The following NXPE1 variants were observed in gnomAD, a reference collection of about 807,000 sequenced individuals.
NXPE1 encodes neurexophilin and PC-esterase domain family member 1, also known as NXPE family member 1.
A neutral mutation model predicts 33.3 loss-of-function variants in NXPE1; 31 were observed. The ratio of observed to expected loss-of-function variants is 0.93; its 90% confidence interval spans 0.70 to 1.26. The LOEUF (loss-of-function observed/expected upper bound fraction) is 1.26. NXPE1 is among the 50% of genes most tolerant of loss of function. The pLI, the probability that NXPE1 is intolerant of heterozygous loss-of-function variation, is 0.00. For synonymous variants in NXPE1, 229 were observed against 231.4 expected (o/e 0.99, Z 0.09); for missense variants, 661 against 655.6 (o/e 1.01, Z -0.09).
downstream of NXPE1, among the ~76,000 whole-genome samples, chr11:114,519,221 T>C (rs1947150281): frequency 7.3e-6 from 1 of 137,700 alleles, no homozygotes; most frequent in African/African-American, 3.3e-5. Context: ...GAAAATGCTT[T>C]CCCCCCGTTT....
chr11:114,545,832 G>T (rs969497324), intron 5 of NXPE1, among the ~76,000 whole-genome samples: 1 of 151,864 alleles, frequency 6.6e-6, no homozygotes, highest in African/African-American at 2.4e-5. Flanking sequence ...GGGACTACAG[G>T]GGCACACCAC....
At chr11:114,537,632 C>T (rs887053060) in intron 5 of NXPE1, among the ~76,000 whole-genome samples, 2 of 152,136 alleles carry the variant, frequency 1.3e-5, no homozygotes, top group African/African-American at 4.8e-5. Context: ...TCTTATACAC[C>T]AGTAACAGAC....
chr11:114,530,903 C>T lies in NXPE1; in HGVS notation c.105G>A (p.Trp35Ter). The T allele has an allele frequency of 1.2e-6, 2 of 1,602,916 alleles. No individual in the cohort carries two copies. The highest frequency in any genetic ancestry group is 1.7e-6 in the Non-Finnish European group (2 of 1,175,834). ...CAGAGATGGATAAGTTTAGAGCAGA[C>T]CAAAGCTGAAATGACAAGGATTGTG... The change falls in exon 6 of 9, where the codon TGG becomes TGA. Residue 35 changes from tryptophan to a stop codon, truncating the protein, a stop_gained. Transcript: ENST00000534921. LOFTEE classifies it high-confidence loss of function.
chr11:114,554,538 C>T (rs556167643), intron 1 of NXPE1: 168 of 256,352 alleles, frequency 6.6e-4, no homozygotes, highest in African/African-American at 3.8e-3. Context: ...TAGTTATCAA[C>T]ATTTTAAATA....
intron 3 of NXPE1, among the ~76,000 whole-genome samples, 200 bp downstream of exon 3, chr11:114,551,774 T>C (rs1195575408): frequency 6.6e-6 from 1 of 151,802 alleles, no homozygotes; most frequent in African/African-American, 2.4e-5. Context: ...GATGATCCAA[T>C]AAGGCTGGGC....
intron 5 of NXPE1, among the ~76,000 whole-genome samples, chr11:114,535,218 G>C (rs1439897763): frequency 6.6e-6 from 1 of 152,120 alleles, no homozygotes; most frequent in Non-Finnish European, 1.5e-5. Context: ...ATACTTTACA[G>C]ACAAGCAAAT....
chr11:114,534,550 G>A (rs956683801), intron 5 of NXPE1, among the ~76,000 whole-genome samples: 1 of 152,306 alleles, frequency 6.6e-6, no homozygotes, highest in Admixed American at 6.5e-5. Context: ...AAAATTAGAT[G>A]AATGGATAAC....
In NXPE1 at chr11:114,540,837, C is replaced by CTTTTTTTTTTTTT. The variant is rs142403291; in HGVS notation, c.100-9942_100-9930dup. Among the ~76,000 whole-genome samples the CTTTTTTTTTTTTT allele has an allele frequency of 2.5e-4, 12 of 47,414 alleles. 5 individuals are homozygous for CTTTTTTTTTTTTT. The highest frequency in any genetic ancestry group is 4.7e-4 in the Non-Finnish European group (10 of 21,472). 31.1% of individuals were successfully genotyped at this position (47,414 alleles called of 152,430 possible). The stretch of plus-strand genomic sequence containing the variant: ...TAGCTAAAACACAATAGAAAGCCAT[C>CTTTTTTTTTTTTT]TTTTTTTTTTTTTTTTTTTTTTTTT... On this transcript the variant is annotated intron_variant, in intron 5 of 8. Coordinates refer to ENST00000534921, the Ensembl canonical transcript of NXPE1.
At chr11:114,521,918 G>A (rs749678669) in exon 9 of NXPE1, 6 of 1,315,592 alleles carry the variant, frequency 4.6e-6, no homozygotes, top group African/African-American at 1.5e-5. Flanking sequence ...AATACATGTG[G>A]GATTATGTGC....
At chr11:114,538,526 C>G (rs1166629584) in intron 5 of NXPE1, among the ~76,000 whole-genome samples, 1 of 152,144 alleles carries the variant, frequency 6.6e-6, no homozygotes, top group Non-Finnish European at 1.5e-5. Context: ...TTGCAACCTA[C>G]TCATCTGATA....
intron 5 of NXPE1, among the ~76,000 whole-genome samples, chr11:114,537,473 A>T (rs1947877613): frequency 6.6e-6 from 1 of 152,186 alleles, no homozygotes; most frequent in Non-Finnish European, 1.5e-5. Flanking sequence ...TTCAATTAGG[A>T]AAAGAGGAAG....
At chr11:114,536,014 T>C (rs1038921761) in intron 5 of NXPE1, among the ~76,000 whole-genome samples, 37 of 152,168 alleles carry the variant, frequency 2.4e-4, no homozygotes, top group Admixed American at 5.9e-4. Context: ...TATTCCAAAA[T>C]TGACCACATA....
At chr11:114,545,125 A>T (rs560856329) in intron 5 of NXPE1, among the ~76,000 whole-genome samples, 105 of 152,312 alleles carry the variant, frequency 6.9e-4, no homozygotes, top group Middle Eastern at 3.4e-3. Flanking sequence ...GGAATCCAAA[A>T]TGGCACAGCT....
rs547722241 is a variant in NXPE1, at chr11:114,552,749, T to C, written c.-182+103A>G. Reference sequence around the variant, plus strand: ...TGCGTATGGATATGTTTCAGCAGCATTGAAAAAAAAGTATGATTGCTATTG... The same window carrying C: ...TGCGTATGGATATGTTTCAGCAGCACTGAAAAAAAAGTATGATTGCTATTG... On this transcript the variant is annotated intron_variant, in intron 2 of 8. Transcript: ENST00000534921. The C allele has an allele frequency of 9.5e-3, 2,925 of 309,490 alleles. 71 individuals are homozygous for C. The highest frequency in any genetic ancestry group is 0.059 in the African/African-American group (2,604 of 44,140). 19.2% of individuals were successfully genotyped at this position (309,490 alleles called of 1,614,324 possible). A position where few individuals can be genotyped will look rare whatever the true frequency, so the allele number is the denominator to read the frequency against.
intron 5 of NXPE1, among the ~76,000 whole-genome samples, chr11:114,541,675 A>C (rs1565309827): frequency 6.6e-6 from 1 of 152,074 alleles, no homozygotes; most frequent in Non-Finnish European, 1.5e-5. Context: ...AGTGGGGGGG[A>C]TGGTGCTTCC....
At chr11:114,549,193 A>G (rs1948382492) in intron 5 of NXPE1, among the ~76,000 whole-genome samples, 1 of 151,988 alleles carries the variant, frequency 6.6e-6, no homozygotes, top group Non-Finnish European at 1.5e-5. Context: ...TTTAAAGATC[A>G]GTCAATCCCA....
At chr11:114,533,042 A>G (rs958796070) in intron 5 of NXPE1, among the ~76,000 whole-genome samples, 1 of 152,242 alleles carries the variant, frequency 6.6e-6, no homozygotes, top group Non-Finnish European at 1.5e-5. Context: ...GTTAGCCACA[A>G]TTAACTGAAT....
exon 9 of NXPE1, chr11:114,522,401 G>C (rs781055560): frequency 6.2e-7 from 1 of 1,613,918 alleles, no homozygotes; most frequent in East Asian, 2.2e-5. Context: ...AGTGACGAAG[G>C]GATAGCTATG....
intron 5 of NXPE1, among the ~76,000 whole-genome samples, chr11:114,549,233 A>T (rs1948384282): frequency 6.6e-6 from 1 of 152,058 alleles, no homozygotes; most frequent in Non-Finnish European, 1.5e-5. Flanking sequence ...AGAGCACTAG[A>T]AACAAATAAA....
Sources: gnomAD v4.1 joint callset for allele counts (sites outside exome capture counted in the v4.1 genomes callset) on GRCh38, gnomAD v4.1.1 for gene constraint, MANE v1.5 for transcripts, NCBI Gene and HGNC (gene_info 2026-07-23, HGNC 2026-07-21) for gene names.